Variants in KPNB1 observed in about 807,000 individuals in gnomAD.
KPNB1 encodes karyopherin subunit beta 1, also known as importin subunit beta-1.
In KPNB1, 7 loss-of-function variants were observed where a neutral mutation model predicts 113.0. The ratio of observed to expected loss-of-function variants is 0.06; its 90% CI spans 0.04 to 0.12. KPNB1 has a LOEUF of 0.12. Ranked by LOEUF, KPNB1 falls within the 10% of genes least tolerant of loss-of-function variation. The probability of loss-of-function intolerance (pLI) is 1.00; values close to 1 mark genes in which losing one functional copy is unlikely to be tolerated. For synonymous variants in KPNB1, 363 were observed against 378.6 expected (o/e 0.96, Z 0.48); for missense variants, 400 against 1,054.8 (o/e 0.38, Z 8.60).
intron 15 of KPNB1, among the ~76,000 whole-genome samples, chr17:47,675,055 G>C (rs868256855): frequency 6.6e-6 from 1 of 152,252 alleles, no homozygotes; most frequent in Middle Eastern, 3.4e-3. Flanking sequence ...CCTGAGTCAA[G>C]TGATCCTCCT....
Position 47,682,406 on chromosome 17 carries a change from C to G in KPNB1, c.*2C>G, listed in dbSNP as rs1313593953. The G allele has an allele frequency of 1.3e-6, 1 of 780,798 alleles. No homozygotes were observed. The highest frequency in any genetic ancestry group is 2.4e-6 in the Non-Finnish European group (1 of 418,120). The allele number at this position is 780,798 out of a possible 1,614,324, so 48.4% of individuals were successfully genotyped here. A position where few individuals can be genotyped will look rare whatever the true frequency, so the allele number is the denominator to read the frequency against. On this transcript the variant is annotated splice_region_variant and 3_prime_UTR_variant, in exon 22 of 22. Coordinates refer to ENST00000290158, the MANE Select transcript of KPNB1 (RefSeq NM_002265.6). Reference sequence around the variant, plus strand: ...CCTTTTTTTCCATCTGTTTTCAGATCTGTTACCATTGGGATGATAACCTGA... The same window carrying G: ...CCTTTTTTTCCATCTGTTTTCAGATGTGTTACCATTGGGATGATAACCTGA...
At chr17:47,655,713 G>A (rs1228748258) in intron 3 of KPNB1, among the ~76,000 whole-genome samples, 1 of 152,056 alleles carries the variant, frequency 6.6e-6, no homozygotes, top group African/African-American at 2.4e-5. Flanking sequence ...ACAAAACGAG[G>A]GTGTGAACAT....
Position 47,650,444 on chromosome 17 carries a change from G to C in KPNB1, c.99G>C (p.Leu33=), listed in dbSNP as rs1915504398. 6.3e-7 allele frequency: 1 copy of C among 1,599,024 alleles called. No individual in the cohort carries two copies. Among genetic ancestry groups the C allele is most frequent in the Non-Finnish European group, 8.5e-7 (1 of 1,173,700 alleles). ...KFLERAAVEN[L]PTFLVELSRV... is the part of the protein sequence containing the mutation. ...TGGAGCGTGCGGCCGTGGAGAACCTGGTGCGTGCTACCCCGCCGCGCCCAT... is the reference window on the plus strand; with the variant it reads ...TGGAGCGTGCGGCCGTGGAGAACCTCGTGCGTGCTACCCCGCCGCGCCCAT... Residue 33 remains leucine, a splice_region_variant and synonymous_variant, in exon 2 of 22, where the codon CTG becomes CTC. Coordinates refer to ENST00000290158, the MANE Select transcript of KPNB1 (RefSeq NM_002265.6).
At chr17:47,675,361 G>GTTGTTTTTTTTTTTT (rs1567894260) in intron 15 of KPNB1, among the ~76,000 whole-genome samples, 10 of 88,692 alleles carry the variant, frequency 1.1e-4, no homozygotes, top group Non-Finnish European at 1.8e-4. Context: ...CAGAGGTGTT[G>GTTGTTTTTTTTTTTT]TTTTTTTTTT....
intron 14 of KPNB1, among the ~76,000 whole-genome samples, chr17:47,674,354 A>G (rs993568336): frequency 6.6e-6 from 1 of 152,232 alleles, no homozygotes; most frequent in Non-Finnish European, 1.5e-5. Context: ...TATGGCGGCT[A>G]CCAGCAGGGA....
intron 9 of KPNB1, 114 bp downstream of exon 9, chr17:47,665,272 G>A: frequency 1.3e-6 from 1 of 789,786 alleles, no homozygotes; most frequent in South Asian, 1.5e-5. Flanking sequence ...ATGTTCTGTT[G>A]TTGATGACTT....
intron 10 of KPNB1, 103 bp from the exon 11 acceptor site, chr17:47,669,575 C>CT (rs1369183016): frequency 3.1e-5 from 25 of 806,800 alleles, no homozygotes; most frequent in Non-Finnish European, 4.6e-5. Flanking sequence ...ATCTTGGTGA[C>CT]TTTTTTGAGT....
In KPNB1 at chr17:47,650,122, C is replaced by CA; in HGVS notation, c.-123_-122insA. On this transcript the variant is annotated 5_prime_UTR_variant, in exon 1 of 22. Coordinates refer to ENST00000290158, the MANE Select transcript of KPNB1 (RefSeq NM_002265.6). ...GAGCCGGTGAATGGGTTTGTGGTGACCCCCGCCCCCCACCCCACCCTCCCT... is the reference window on the plus strand; with the variant it reads ...GAGCCGGTGAATGGGTTTGTGGTGACACCCCGCCCCCCACCCCACCCTCCCT... 1.0e-6 allele frequency: 1 copy of CA among 968,568 alleles called. No individual in the cohort carries two copies. Among genetic ancestry groups the CA allele is most frequent in the Non-Finnish European group, 1.3e-6 (1 of 783,102 alleles). 60.0% of individuals were successfully genotyped at this position (968,568 alleles called of 1,614,324 possible). A position where few individuals can be genotyped will look rare whatever the true frequency, so the allele number is the denominator to read the frequency against.
intron 14 of KPNB1, 56 bp from the exon 15 acceptor site, chr17:47,674,582 T>G (rs2030540774): frequency 6.5e-7 from 1 of 1,532,082 alleles, no homozygotes; most frequent in Non-Finnish European, 8.9e-7. Flanking sequence ...AAAGGTATAG[T>G]GTTCTGATTG....
Position 47,668,263 on chromosome 17 carries a change from T to C in KPNB1, c.1077T>C (p.Cys359=). Residue 359 remains cysteine, a synonymous_variant, in exon 10 of 22, where the codon TGT becomes TGC. Transcript: ENST00000290158. ...GVCLMLLATC[C]EDDIVPHVLP... ...GCCTCATGCTTCTGGCCACCTGCTG[T>C]GAAGATGACATTGTCCCACATGTCC... 6.2e-7 allele frequency: 1 copy of C among 1,614,164 alleles called. No homozygotes were observed. The highest frequency in any genetic ancestry group is 1.1e-5 in the South Asian group (1 of 91,074).
intron 5 of KPNB1, 98 bp from the exon 6 acceptor site, chr17:47,661,021 A>T: frequency 6.8e-6 from 6 of 884,698 alleles, no homozygotes; most frequent in Non-Finnish European, 1.1e-5. Context: ...TGGGGCCCTG[A>T]GGGGGAGTGA....
intron 9 of KPNB1, among the ~76,000 whole-genome samples, chr17:47,666,394 T>TG (rs2030270640): frequency 2.1e-5 from 3 of 139,656 alleles, no homozygotes; most frequent in African/African-American, 8.0e-5. Flanking sequence ...GTCTTTACTT[T>TG]TGTGTGTGTG....
intron 21 of KPNB1, among the ~76,000 whole-genome samples, chr17:47,680,981 C>T (rs1237468050): frequency 6.6e-6 from 1 of 152,076 alleles, no homozygotes; most frequent in Non-Finnish European, 1.5e-5. Context: ...TTCCTCATGC[C>T]CTATTCTTTC....
chr17:47,667,686 T>C (rs1000313197), intron 9 of KPNB1, among the ~76,000 whole-genome samples: 2 of 151,816 alleles, frequency 1.3e-5, no homozygotes, highest in African/African-American at 4.8e-5. Flanking sequence ...GCCTCCTGAG[T>C]AGCTGGGACT....
chr17:47,656,462 G>C (rs1405104478), intron 3 of KPNB1, among the ~76,000 whole-genome samples: 2 of 152,120 alleles, frequency 1.3e-5, no homozygotes, highest in African/African-American at 4.8e-5. Flanking sequence ...GGAGGTCAAG[G>C]CTGCAGTATC....
intron 10 of KPNB1, 94 bp downstream of exon 10, chr17:47,668,504 C>T (rs2030357078): frequency 1.0e-6 from 1 of 956,500 alleles, no homozygotes. Context: ...TGTAAATTGT[C>T]ATCTACAAAG....
chr17:47,681,791 C>T (rs1374415285), intron 21 of KPNB1, among the ~76,000 whole-genome samples: 1 of 149,446 alleles, frequency 6.7e-6, no homozygotes, highest in Non-Finnish European at 1.5e-5. Flanking sequence ...GTCGGTCTCC[C>T]AGGTGTGCAC....
chr17:47,660,410 A>G (rs1179914216), intron 5 of KPNB1, among the ~76,000 whole-genome samples: 3 of 152,204 alleles, frequency 2.0e-5, no homozygotes, highest in Non-Finnish European at 4.4e-5. Flanking sequence ...TAATGCTGCT[A>G]TGAACATGGG....
intron 6 of KPNB1, chr17:47,662,043 A>G (rs1032967707): frequency 3.3e-5 from 5 of 152,176 alleles, no homozygotes; most frequent in Admixed American, 6.5e-5. Context: ...GATAGAAGTA[A>G]TATCTTCAGT....
Sources: allele counts gnomAD v4.1 joint callset (sites outside exome capture counted in the v4.1 genomes callset), GRCh38; gene constraint gnomAD v4.1.1; transcripts MANE v1.5; gene names NCBI Gene and HGNC (gene_info 2026-07-23, HGNC 2026-07-21).